GGH: variants seen among roughly 807,000 people sequenced by gnomAD.
The protein encoded by GGH is gamma-Glu-X carboxypeptidase.
Under a neutral mutation model 39.2 loss-of-function variants are expected in GGH, and 18 were observed. That is an observed-to-expected ratio of 0.46 (90% CI 0.32 to 0.68). GGH has a LOEUF of 0.68. GGH is among the 30% of genes least tolerant of loss of function. The pLI is 0.04. For synonymous variants in GGH, 147 were observed against 138.8 expected, an observed-to-expected ratio of 1.06 and a Z score of -0.42; for missense variants, 367 against 384.1, an observed-to-expected ratio of 0.96 and a Z score of 0.37.
intron 4 of GGH, 85 bp from the exon 5 acceptor site, chr8:63,026,381 G>A (rs1804684907): frequency 2.1e-6 from 2 of 973,598 alleles, no homozygotes; most frequent in South Asian, 1.5e-5. Flanking sequence ...TAACCAAATA[G>A]GCACCTGAGT....
Position 63,018,648 on chromosome 8 carries a change from C to T in GGH, c.698-1018G>A, listed in dbSNP as rs116653996. ...CCTCCCCCACTTCCGTGTGACACTG[C>T]CGTTTTTCCCCTCTATTCTGGGACT... On this transcript the variant is annotated intron_variant, in intron 7 of 8. Transcript: ENST00000260118. Among the ~76,000 whole-genome samples the T allele has an allele frequency of 6.4e-3, 978 of 152,288 alleles. 10 individuals are homozygous for T. The highest frequency in any genetic ancestry group is 0.022 in the African/African-American group (913 of 41,534).
intron 3 of GGH, chr8:63,028,138 G>A (rs1342731741): frequency 1.3e-5 from 2 of 151,888 alleles, no homozygotes; most frequent in African/African-American, 2.4e-5. Context: ...AGCTAGACTC[G>A]ACTTGCCTGG....
Position 63,017,590 on chromosome 8 carries a change from C to G in GGH, c.738G>C (p.Glu246Asp). 1 of 1,605,084 alleles carries G rather than the reference C, an allele frequency of 6.2e-7. No homozygotes were observed. The highest frequency in any genetic ancestry group is 8.5e-7 in the Non-Finnish European group (1 of 1,171,858). The change falls in exon 8 of 9, where the codon GAG (glutamate) becomes GAC (aspartate). Residue 246 changes from glutamate (E) to aspartate (D), a missense_variant. Physicochemically the swap from Glu to Asp is conservative, Grantham distance 45. Transcript: ENST00000260118. ...YPVYGVQWHP[E>D]KAPYEWKNLD... is the part of the protein sequence containing the mutation. Reference sequence around the variant, plus strand: ...AATTCTTCCACTCATAAGGTGCTTTCTCTGGATGCCACTGGACACCATATA... The same window carrying G: ...AATTCTTCCACTCATAAGGTGCTTTGTCTGGATGCCACTGGACACCATATA...
intron 7 of GGH, among the ~76,000 whole-genome samples, chr8:63,019,067 C>G (rs1267143160): frequency 1.3e-5 from 2 of 152,072 alleles, no homozygotes; most frequent in Admixed American, 1.3e-4. Context: ...TACGGTGAAG[C>G]TTGGATGGAA....
At chr8:63,030,991 G>A (rs1161959494) in intron 2 of GGH, among the ~76,000 whole-genome samples, 3 of 152,210 alleles carry the variant, frequency 2.0e-5, no homozygotes, top group Non-Finnish European at 4.4e-5. Context: ...TAAGGGAAGA[G>A]AGCACCAAGT....
At chr8:63,021,362 G>C (rs563346059) in intron 7 of GGH, among the ~76,000 whole-genome samples, 1 of 152,110 alleles carries the variant, frequency 6.6e-6, no homozygotes, top group East Asian at 1.9e-4. Flanking sequence ...ATTTCATTAA[G>C]ATATTTTTTA....
Position 63,030,397 on chromosome 8 carries a change from C to G in GGH, c.225-180G>C, listed in dbSNP as rs574066504. ...CCACTTGAAAGCCACATCATTCTATCCTTGTTTTGCTAATCAGACAAGTAA... is the reference window on the plus strand; with the variant it reads ...CCACTTGAAAGCCACATCATTCTATGCTTGTTTTGCTAATCAGACAAGTAA... On this transcript the variant is annotated intron_variant, in intron 2 of 8. Transcript: ENST00000260118. Among the ~76,000 whole-genome samples, 3 of 152,268 alleles carry G rather than the reference C, an allele frequency of 2.0e-5. No homozygotes were observed. The South Asian group carries it at 6.2e-4, about 32-fold the overall frequency.
In GGH at chr8:63,035,640, A is replaced by C; in HGVS notation, c.224+16T>G. On this transcript the variant is annotated intron_variant, in intron 2 of 8. Transcript: ENST00000260118. Reference sequence around the variant, plus strand: ...TTTATACAGAGTAAAAAAAAAAAAAAAACACTGAATCATACCTTACTGGTA... The same window carrying C: ...TTTATACAGAGTAAAAAAAAAAAAACAACACTGAATCATACCTTACTGGTA... 5.1e-6 allele frequency: 8 copies of C among 1,582,782 alleles called. No individual in the cohort carries two copies. Among genetic ancestry groups the C allele is most frequent in the South Asian group, 1.2e-5 (1 of 84,724 alleles).
Position 63,015,352 on chromosome 8 carries a change from G to A in GGH, c.937C>T (p.Gln313Ter), listed in dbSNP as rs1804466489. ...GACTTTCAATCAAATATGTAACATT[G>A]CTGAAATGAAGAAATATTTCCAGTA... is the stretch of plus-strand genomic sequence containing the variant. ...IYTGNISSFQ[Q>*]CYIFD Residue 313 changes from glutamine (Q) to a stop codon, truncating the protein, a stop_gained, in exon 9 of 9, where the codon CAA (glutamine) becomes TAA (stop). Transcript: ENST00000260118. LOFTEE classifies it high-confidence loss of function. The A allele has an allele frequency of 1.4e-6, 2 of 1,398,736 alleles. No individual in the cohort carries two copies. The highest frequency in any genetic ancestry group is 2.0e-6 in the Non-Finnish European group (2 of 1,003,834). The allele number at this position is 1,398,736 out of a possible 1,614,324, so 86.6% of individuals were successfully genotyped here.
At chr8:63,023,536 G>A (rs1355300607) in intron 7 of GGH, 1 of 154,828 alleles carries the variant, frequency 6.5e-6, no homozygotes, top group East Asian at 1.9e-4. Context: ...TTATTTCTTT[G>A]CCAATTCATC....
At chr8:63,015,747 C>T (rs1804476327) in intron 8 of GGH, among the ~76,000 whole-genome samples, 1 of 152,104 alleles carries the variant, frequency 6.6e-6, no homozygotes, top group Non-Finnish European at 1.5e-5. Flanking sequence ...CACAGTCGCG[C>T]ATGGCCACAG....
intron 3 of GGH, among the ~76,000 whole-genome samples, chr8:63,029,110 G>T (rs376723459): frequency 2.0e-5 from 3 of 152,024 alleles, no homozygotes; most frequent in East Asian, 3.8e-4. Context: ...CATGGTTTTA[G>T]AAGTAAAAAT....
intron 2 of GGH, among the ~76,000 whole-genome samples, chr8:63,032,991 T>G (rs1299578850): frequency 1.3e-5 from 2 of 152,352 alleles, no homozygotes; most frequent in South Asian, 2.1e-4. Context: ...ACCACCAGTG[T>G]AAGCCAAGCC....
chr8:63,024,182 T>G lies in GGH; in HGVS notation c.504A>C (p.Gln168His). The change falls in exon 6 of 9, where the codon CAA becomes CAC. Residue 168 changes from glutamine to histidine, a missense_variant. Transcript: ENST00000260118. ...VAMPLNFTGG[Q>H]LHSRMFQNFP... ...AATTCTGGAACATTCTGCTGTGCAATTGACCTGAAATAATTTAAGTACAAG... is the reference window on the plus strand; with the variant it reads ...AATTCTGGAACATTCTGCTGTGCAAGTGACCTGAAATAATTTAAGTACAAG... 6.3e-7 allele frequency: 1 copy of G among 1,576,436 alleles called. No homozygotes were observed. The highest frequency in any genetic ancestry group is 8.7e-7 in the Non-Finnish European group (1 of 1,147,256).
At chr8:63,027,043 C>T (rs759299504) in intron 4 of GGH, 138 bp downstream of exon 4, 326 of 670,070 alleles carry the variant, frequency 4.9e-4, no homozygotes, top group Non-Finnish European at 7.6e-4. Context: ...CAGCCAAGAA[C>T]AGGCACCTCA....
intron 7 of GGH, among the ~76,000 whole-genome samples, chr8:63,018,650 G>A (rs531967610): frequency 2.6e-5 from 4 of 152,300 alleles, no homozygotes; most frequent in South Asian, 2.1e-4. Context: ...TGACACTGCC[G>A]TTTTTCCCCT....
At chr8:63,023,175 C>G (rs1235017279) in intron 7 of GGH, among the ~76,000 whole-genome samples, 1 of 152,172 alleles carries the variant, frequency 6.6e-6, no homozygotes, top group African/African-American at 2.4e-5. Flanking sequence ...CTAAGGCAAC[C>G]TTGAACAAAA....
At chr8:63,032,820 C>T (rs563627452) in intron 2 of GGH, among the ~76,000 whole-genome samples, 1 of 152,326 alleles carries the variant, frequency 6.6e-6, no homozygotes, top group South Asian at 2.1e-4. Context: ...GTGTTCTCAG[C>T]ATCTCTCATA....
intron 7 of GGH, among the ~76,000 whole-genome samples, chr8:63,019,561 A>T (rs1324416241): frequency 6.6e-6 from 1 of 152,210 alleles, no homozygotes; most frequent in Admixed American, 6.5e-5. Context: ...GAAGTGGTCC[A>T]GTCAAAGCCA....
Sources: allele counts gnomAD v4.1 joint callset (sites outside exome capture counted in the v4.1 genomes callset), GRCh38; gene constraint gnomAD v4.1.1; transcripts MANE v1.5; gene names NCBI Gene and HGNC (gene_info 2026-07-23, HGNC 2026-07-21).